Variants in XIRP2 observed in about 807,000 individuals in gnomAD.
XIRP2 encodes xin actin-binding repeat-containing protein 2.
Under a neutral mutation model 277.0 loss-of-function variants are expected in XIRP2, and 236 were observed. The ratio of observed to expected loss-of-function variants is 0.85; its 90% confidence interval spans 0.77 to 0.95. The LOEUF (loss-of-function observed/expected upper bound fraction) is 0.95. XIRP2 is among the 40% of genes least tolerant of loss of function. The pLI is 0.00. For synonymous variants in XIRP2, 1,490 were observed against 1,416.5 expected, an observed-to-expected ratio of 1.05 and a Z score of -1.17; for missense variants, 4,640 against 4,157.5, an observed-to-expected ratio of 1.12 and a Z score of -3.19.
At chr2:166,975,495 A>G (rs915134132) in intron 2 of XIRP2, among the ~76,000 whole-genome samples, 1 of 152,210 alleles carries the variant, frequency 6.6e-6, no homozygotes, top group African/African-American at 2.4e-5. Context: ...CAAAAAAGAA[A>G]AGAAAAGAAA....
intron 2 of XIRP2, among the ~76,000 whole-genome samples, chr2:167,130,111 TC>T (rs1188319587): frequency 2.0e-5 from 3 of 151,940 alleles, no homozygotes; most frequent in African/African-American, 7.3e-5. Flanking sequence ...TCCAAATACT[TC>T]TGTCACCTTC....
rs201270958 is a variant in XIRP2 at position 167,247,055 on chromosome 2, C to A, written c.5663C>A (p.Pro1888His). 3.0e-4 allele frequency: 477 copies of A among 1,613,122 alleles called. 3 individuals carry two copies. The African/African-American group carries it at 5.9e-3, about 20-fold the overall frequency. Residue 1888 changes from proline (P) to histidine (H), a missense_variant, in exon 9 of 11, where the codon CCT becomes CAT. Pro to His is a moderately conservative substitution (Grantham distance 77, BLOSUM62 -2). Transcript: ENST00000409195. ...CATCGATGGAAAGAATCTAAACAGCCTGATGCCATCCCTGGTGATATTGAA... is the reference window on the plus strand; with the variant it reads ...CATCGATGGAAAGAATCTAAACAGCATGATGCCATCCCTGGTGATATTGAA... ...SSHRWKESKQPDAIPGDIEKA... is the reference protein window; with the variant it reads ...SSHRWKESKQHDAIPGDIEKA...
At chr2:166,907,030 T>C (rs1053112537) in intron 2 of XIRP2, among the ~76,000 whole-genome samples, 2 of 152,190 alleles carry the variant, frequency 1.3e-5, no homozygotes, top group African/African-American at 4.8e-5. Context: ...TATTCTAACA[T>C]AATTACAATA....
intron 2 of XIRP2, among the ~76,000 whole-genome samples, chr2:166,971,469 G>C (rs1304263745): frequency 1.3e-5 from 2 of 151,942 alleles, no homozygotes; most frequent in African/African-American, 4.8e-5. Flanking sequence ...ATTCATTAGA[G>C]CACAACATGA....
At chr2:167,052,697 A>G (rs1268443591) in intron 2 of XIRP2, among the ~76,000 whole-genome samples, 1 of 152,214 alleles carries the variant, frequency 6.6e-6, no homozygotes, top group Admixed American at 6.5e-5. Context: ...ATACACAAGT[A>G]TAAAACAAAG....
chr2:167,143,063 C>T (rs1691766153), intron 3 of XIRP2, among the ~76,000 whole-genome samples: 1 of 152,158 alleles, frequency 6.6e-6, no homozygotes, highest in South Asian at 2.1e-4. Context: ...AGCTAGAATT[C>T]AGTTACTCAT....
intron 2 of XIRP2, among the ~76,000 whole-genome samples, chr2:167,124,993 G>C (rs1691159321): frequency 6.6e-6 from 1 of 152,122 alleles, no homozygotes; most frequent in South Asian, 2.1e-4. Flanking sequence ...AAGTCACTGG[G>C]AAACCAGGAA....
chr2:167,222,129 A>C (rs932736539), intron 5 of XIRP2, among the ~76,000 whole-genome samples: 1 of 152,222 alleles, frequency 6.6e-6, no homozygotes, highest in South Asian at 2.1e-4. Flanking sequence ...ACTGTTTTAC[A>C]TCTAATGGAA....
chr2:167,200,404 A>C (rs889979506), intron 3 of XIRP2, among the ~76,000 whole-genome samples: 1 of 152,210 alleles, frequency 6.6e-6, no homozygotes, highest in Non-Finnish European at 1.5e-5. Flanking sequence ...TACCTAAAAA[A>C]CATAGAGCAG....
chr2:167,074,330 T>G (rs1689507823), intron 2 of XIRP2, among the ~76,000 whole-genome samples: 1 of 152,164 alleles, frequency 6.6e-6, no homozygotes, highest in South Asian at 2.1e-4. Context: ...ATCATTTTAC[T>G]TTTCCATGCC....
intron 9 of XIRP2, among the ~76,000 whole-genome samples, chr2:167,252,356 T>C (rs1476219200): frequency 1.3e-5 from 2 of 152,008 alleles, no homozygotes; most frequent in African/African-American, 4.8e-5. Context: ...TTGAGTTCAA[T>C]ACAGACTGAT....
chr2:167,190,204 A>G (rs893127017), intron 3 of XIRP2, among the ~76,000 whole-genome samples: 3 of 152,152 alleles, frequency 2.0e-5, no homozygotes, highest in Non-Finnish European at 4.4e-5. Context: ...AGGAGTTGTT[A>G]TGGCGGCTTC....
Position 167,060,718 on chromosome 2 carries a change from C to T in XIRP2, c.409-75191C>T, listed in dbSNP as rs1052809194. 2.0e-5 allele frequency among the ~76,000 whole-genome samples: 3 copies of T among 151,944 alleles called. No individual in the cohort carries two copies. In the East Asian group the frequency reaches 5.8e-4, roughly 30 times the overall value. ...TCCATTACTGGAATTTGTTTTGGTG[C>T]ATTGATTTATATTTATCTCCATGCC... On this transcript the variant is annotated intron_variant, in intron 2 of 10. Transcript: ENST00000409195.
rs899395720 is a variant in XIRP2, at chr2:166,979,373, T to C, written c.408+75483T>C. Among the ~76,000 whole-genome samples the C allele has an allele frequency of 1.1e-4, 16 of 146,304 alleles. No homozygotes were observed. The East Asian group carries it at 1.4e-3, about 13-fold the overall frequency. On this transcript the variant is annotated intron_variant, in intron 2 of 10. Coordinates refer to ENST00000409195, the MANE Select transcript of XIRP2 (RefSeq NM_152381.6). ...TCTTTTCTTTTCTTTTCTTTTCTTTTTTTTTTTTTTTTTTGCTTCAGTAGC... is the reference window on the plus strand; with the variant it reads ...TCTTTTCTTTTCTTTTCTTTTCTTTCTTTTTTTTTTTTTTGCTTCAGTAGC...
chr2:167,188,703 C>T (rs941191329), intron 3 of XIRP2, among the ~76,000 whole-genome samples: 5 of 152,206 alleles, frequency 3.3e-5, no homozygotes, highest in African/African-American at 1.2e-4. Flanking sequence ...TTGCTAGCAA[C>T]ATATAAACTA....
intron 3 of XIRP2, among the ~76,000 whole-genome samples, chr2:167,169,103 G>A (rs181596205): frequency 7.9e-5 from 12 of 152,300 alleles, no homozygotes; most frequent in African/African-American, 2.9e-4. Flanking sequence ...TAGTAGTATA[G>A]TGGTAAGGTG....
rs780908920 is a variant in XIRP2 at position 167,243,690 on chromosome 2, T to G, written c.2298T>G (p.Asp766Glu). 6.2e-7 allele frequency: 1 copy of G among 1,613,990 alleles called. No homozygotes were observed. The highest frequency in any genetic ancestry group is 8.5e-7 in the Non-Finnish European group (1 of 1,179,954). The change falls in exon 9 of 11, where the codon GAT (aspartate) becomes GAG (glutamate). Residue 766 changes from aspartate to glutamate, a missense_variant. Coordinates refer to ENST00000409195, the MANE Select transcript of XIRP2 (RefSeq NM_152381.6). ...TVHREDVEKG[D>E]VRTARWMFET... The stretch of plus-strand genomic sequence containing the variant: ...ACAGAGAAGACGTTGAAAAGGGAGA[T>G]GTAAGAACAGCACGGTGGATGTTTG...
chr2:166,939,680 A>C (rs1272827708), intron 2 of XIRP2, among the ~76,000 whole-genome samples: 4 of 75,308 alleles, frequency 5.3e-5, no homozygotes, highest in Non-Finnish European at 8.2e-5. Flanking sequence ...ACTCCATCAC[A>C]AAAAAAAAAA....
chr2:167,085,685 T>G (rs1036197983), intron 2 of XIRP2, among the ~76,000 whole-genome samples: 1 of 151,838 alleles, frequency 6.6e-6, no homozygotes, highest in African/African-American at 2.4e-5. Flanking sequence ...TTGATCCCTT[T>G]ACCATTATGT....
Sources: allele counts gnomAD v4.1 joint callset (sites outside exome capture counted in the v4.1 genomes callset), GRCh38; gene constraint gnomAD v4.1.1; transcripts MANE v1.5; gene names NCBI Gene and HGNC (gene_info 2026-07-23, HGNC 2026-07-21).